Variants in LSAMP observed in about 807,000 individuals in gnomAD.
LSAMP encodes limbic system-associated membrane protein.
LSAMP carries 7 observed loss-of-function variants against 38.6 expected under a neutral mutation model. That is an observed-to-expected ratio of 0.18 (90% CI 0.10 to 0.34). The LOEUF is 0.34. LSAMP is among the 10% of genes least tolerant of loss of function. LSAMP has a pLI of 1.00. For missense variants in LSAMP, 313 were observed against 420.0 expected, an observed-to-expected ratio of 0.75 and a Z score of 2.23; for synonymous variants, 154 against 166.8, an observed-to-expected ratio of 0.92 and a Z score of 0.59.
At chr3:115,892,370 A>G (rs1378786386) in intron 3 of LSAMP, among the ~76,000 whole-genome samples, 1 of 152,038 alleles carries the variant, frequency 6.6e-6, no homozygotes, top group Non-Finnish European at 1.5e-5. Flanking sequence ...ATAGTAGAAT[A>G]GACTCTAAAC....
intron 1 of LSAMP, among the ~76,000 whole-genome samples, chr3:116,307,442 T>C (rs547751763): frequency 6.6e-6 from 1 of 152,122 alleles, no homozygotes; most frequent in South Asian, 2.1e-4. Context: ...TTGTTCAACA[T>C]GCTGGGTACA....
intron 1 of LSAMP, among the ~76,000 whole-genome samples, chr3:116,381,869 A>G (rs1346702408): frequency 6.6e-6 from 1 of 152,124 alleles, no homozygotes; most frequent in African/African-American, 2.4e-5. Context: ...TCTTAGGATC[A>G]TACAATATGG....
chr3:116,305,610 A>C (rs1158517019), intron 1 of LSAMP, among the ~76,000 whole-genome samples: 1 of 152,076 alleles, frequency 6.6e-6, no homozygotes, highest in African/African-American at 2.4e-5. Context: ...AAAATAAATA[A>C]CATTGATATG....
intron 1 of LSAMP, among the ~76,000 whole-genome samples, chr3:116,153,893 A>G (rs1295363635): frequency 6.6e-6 from 1 of 152,046 alleles, no homozygotes; most frequent in Non-Finnish European, 1.5e-5. Flanking sequence ...TGTAAAAAAT[A>G]TTGGTTTTAG....
At chr3:116,023,088 G>A (rs1940682537) in intron 2 of LSAMP, among the ~76,000 whole-genome samples, 1 of 151,936 alleles carries the variant, frequency 6.6e-6, no homozygotes, top group Non-Finnish European at 1.5e-5. Flanking sequence ...TGTGGTTTAT[G>A]TCATGTATGG....
At chr3:116,179,060 G>T (rs1710422417) in intron 1 of LSAMP, among the ~76,000 whole-genome samples, 1 of 151,786 alleles carries the variant, frequency 6.6e-6, no homozygotes, top group African/African-American at 2.4e-5. Context: ...TAACAGCAGT[G>T]GCCTCCTCCT....
intron 1 of LSAMP, among the ~76,000 whole-genome samples, chr3:116,208,686 G>C (rs1411426150): frequency 6.6e-6 from 1 of 152,138 alleles, no homozygotes; most frequent in Non-Finnish European, 1.5e-5. Context: ...TGCCCCTGCT[G>C]GGGGGTGCCT....
intron 1 of LSAMP, among the ~76,000 whole-genome samples, chr3:116,276,679 A>G (rs911075449): frequency 8.1e-5 from 11 of 135,330 alleles, no homozygotes; most frequent in African/African-American, 2.0e-4. Flanking sequence ...AAAAATAAAA[A>G]AAAAGAAAAA....
At chr3:116,216,506 C>G (rs1275094681) in intron 1 of LSAMP, among the ~76,000 whole-genome samples, 2 of 151,504 alleles carry the variant, frequency 1.3e-5, no homozygotes, top group African/African-American at 4.9e-5. Context: ...TGCATTTACT[C>G]TTAACATCTT....
intron 2 of LSAMP, among the ~76,000 whole-genome samples, chr3:116,037,105 C>A (rs942764513): frequency 1.3e-5 from 2 of 152,088 alleles, no homozygotes; most frequent in South Asian, 2.1e-4. Flanking sequence ...TACTGAAATA[C>A]AAAATTATGC....
chr3:115,995,340 G>A (rs1939784667), intron 3 of LSAMP, among the ~76,000 whole-genome samples: 1 of 151,962 alleles, frequency 6.6e-6, no homozygotes, highest in African/African-American at 2.4e-5. Context: ...CCAGACAAGG[G>A]GGGCTTTTTC....
chr3:115,821,592 T>C lies in LSAMP; in HGVS notation c.920-11178A>G, dbSNP rs373402512. Among the ~76,000 whole-genome samples, 5 of 152,356 alleles carry C rather than the reference T, an allele frequency of 3.3e-5. No homozygotes were observed. In the South Asian group the frequency reaches 6.2e-4, roughly 19 times the overall value. ...TGTGACATAAGTCTTTCTATAAGGCTAACCCTCTGATGTGCTGCAGGTTTT... is the reference window on the plus strand; with the variant it reads ...TGTGACATAAGTCTTTCTATAAGGCCAACCCTCTGATGTGCTGCAGGTTTT... On this transcript the variant is annotated intron_variant, in intron 6 of 6. Transcript: ENST00000490035.
chr3:116,345,213 A>G (rs1419921642), intron 1 of LSAMP, among the ~76,000 whole-genome samples: 1 of 152,216 alleles, frequency 6.6e-6, no homozygotes, highest in African/African-American at 2.4e-5. Flanking sequence ...TTTGATTCTT[A>G]GTAATTTATT....
intron 1 of LSAMP, among the ~76,000 whole-genome samples, chr3:116,195,712 A>G (rs1710866772): frequency 1.8e-5 from 1 of 56,398 alleles, no homozygotes; most frequent in South Asian, 1.1e-3. Flanking sequence ...TTTTAGAAAA[A>G]AAAATGAAAA....
intron 1 of LSAMP, among the ~76,000 whole-genome samples, chr3:116,196,532 C>A (rs1186157184): frequency 6.6e-6 from 1 of 152,066 alleles, no homozygotes; most frequent in Admixed American, 6.6e-5. Flanking sequence ...GATATACTAT[C>A]TAAGCTATAA....
In LSAMP at chr3:116,198,593, C is replaced by A. The variant is rs559396656; in HGVS notation, c.156-112037G>T. Among the ~76,000 whole-genome samples, 19 of 151,010 alleles carry A rather than the reference C, an allele frequency of 1.3e-4. No homozygotes were observed. The East Asian group carries it at 3.6e-3, about 28-fold the overall frequency. ...GACCATCCCGGCTAACACAGTGAAACCCCGTCTCTACTAAAAAAATACAAA... is the reference window on the plus strand; with the variant it reads ...GACCATCCCGGCTAACACAGTGAAAACCCGTCTCTACTAAAAAAATACAAA... On this transcript the variant is annotated intron_variant, in intron 1 of 6. Transcript: ENST00000490035.
At chr3:115,918,124 A>G (rs1169875627) in intron 3 of LSAMP, among the ~76,000 whole-genome samples, 1 of 152,134 alleles carries the variant, frequency 6.6e-6, no homozygotes, top group Non-Finnish European at 1.5e-5. Flanking sequence ...GTCACTGGCC[A>G]TTGCTTCTTA....
intron 2 of LSAMP, among the ~76,000 whole-genome samples, chr3:116,055,945 A>G (rs1941483233): frequency 1.3e-5 from 2 of 150,744 alleles, no homozygotes; most frequent in South Asian, 4.2e-4. Context: ...TAAGCAAAAG[A>G]TGGAAAAGGA....
At chr3:116,164,710 A>AAT (rs1257673527) in intron 1 of LSAMP, among the ~76,000 whole-genome samples, 10 of 111,254 alleles carry the variant, frequency 9.0e-5, no homozygotes, top group Non-Finnish European at 1.8e-4. Context: ...ATATAATCCA[A>AAT]ATATATATAT....
Sources: allele counts gnomAD v4.1 joint callset (sites outside exome capture counted in the v4.1 genomes callset), GRCh38; gene constraint gnomAD v4.1.1; transcripts MANE v1.5; gene names NCBI Gene and HGNC (gene_info 2026-07-23, HGNC 2026-07-21).